ATG2A: variants seen among roughly 807,000 people sequenced by gnomAD.
ATG2A encodes the protein autophagy related 2A.
A neutral mutation model predicts 214.2 loss-of-function variants in ATG2A; 103 were observed. That is an observed-to-expected ratio of 0.48 (90% CI 0.41 to 0.57). ATG2A has a LOEUF of 0.57. Ranked by LOEUF, ATG2A falls within the 20% of genes least tolerant of loss-of-function variation. ATG2A has a pLI of 0.00. For synonymous variants in ATG2A, 1,160 were observed against 1,142.1 expected (o/e 1.02, Z -0.32); for missense variants, 2,312 against 2,613.2 (o/e 0.88, Z 2.51).
chr11:64,903,508 C>CGGG lies in ATG2A; in HGVS notation c.3535+79_3535+81dup, dbSNP rs939565862. 105 of 1,476,622 alleles carry CGGG rather than the reference C, an allele frequency of 7.1e-5. No individual in the cohort carries two copies. Among genetic ancestry groups the CGGG allele is most frequent in the Admixed American group, 1.4e-4 (7 of 48,916 alleles). The allele number at this position is 1,476,622 out of a possible 1,614,324, so 91.5% of individuals were successfully genotyped here. On this transcript the variant is annotated intron_variant, in intron 25 of 40. Coordinates refer to ENST00000377264, the MANE Select transcript of ATG2A (RefSeq NM_015104.3). The surrounding 1 kb of genome is among the most constrained non-coding windows in gnomAD (Gnocchi z 4.2). ...GAGCTAAGGACCCGGCCAGCAGCTG[C>CGGG]GGGGAGACACCTGGCTGCTCTGGGT...
At position 64,907,454 on chromosome 11, in the gene ATG2A, G is replaced by A. The variant is rs781169015; in HGVS notation, c.2648-15C>T. The A allele has an allele frequency of 2.0e-5, 32 of 1,604,876 alleles. No individual in the cohort carries two copies. Among genetic ancestry groups the A allele is most frequent in the East Asian group, 6.7e-5 (3 of 44,664 alleles). On this transcript the variant is annotated splice_polypyrimidine_tract_variant and intron_variant, in intron 18 of 40. Transcript: ENST00000377264. ...AAAGCAGTTGGCTGGGAAGGAGACC[G>A]CGAAGGGCTAGCCTGGCCCTTCCCA...
rs1945023073 is a variant in ATG2A, at chr11:64,917,198, C to A, written c.-63G>T. The A allele has an allele frequency of 6.6e-7, 1 of 1,509,756 alleles. No individual in the cohort carries two copies. Among genetic ancestry groups the A allele is most frequent in the Non-Finnish European group, 8.9e-7 (1 of 1,124,026 alleles). The allele number at this position is 1,509,756 out of a possible 1,614,324, so 93.5% of individuals were successfully genotyped here. ...GCCCGCCGGCGATCCCCGTCCGGCT[C>A]CGCTGTTCACTAGAGCCCCCGGCTC... On this transcript the variant is annotated 5_prime_UTR_variant, in exon 1 of 41. Coordinates refer to ENST00000377264, the MANE Select transcript of ATG2A (RefSeq NM_015104.3).
In ATG2A at chr11:64,909,276, C is replaced by G; in HGVS notation, c.2199G>C (p.Leu733=). The part of the protein sequence containing the change: ...DPKSTGRKYF[L]PQVVVTVNPQ... ...AGTCCAGAGCCCCTACTTACTGGGG[C>G]AGGAAGTACTTGCGCCCAGTGCTCT... The change falls in exon 15 of 41, where the codon CTG becomes CTC. Residue 733 remains leucine (L), a synonymous_variant. Coordinates refer to ENST00000377264, the MANE Select transcript of ATG2A (RefSeq NM_015104.3). 1 of 1,613,646 alleles carries G rather than the reference C, an allele frequency of 6.2e-7. No individual in the cohort carries two copies. The highest frequency in any genetic ancestry group is 8.5e-7 in the Non-Finnish European group (1 of 1,179,962).
chr11:64,909,107 C>G lies in ATG2A; in HGVS notation c.2248G>C (p.Glu750Gln), dbSNP rs778969754. Residue 750 changes from glutamate (E) to glutamine (Q), a missense_variant, in exon 16 of 41, where the codon GAG becomes CAG. Transcript: ENST00000377264. Reference protein sequence around the residue: ...VNPQSSSTQWEVAPEKGEELE... With the variant: ...VNPQSSSTQWQVAPEKGEELE... ...TCCTCTCCCTTCTCCGGGGCCACCT[C>G]CCACTGTGTGCTGCTGGACTGGGGG... The G allele has an allele frequency of 4.3e-6, 7 of 1,612,694 alleles. No homozygotes were observed. Among genetic ancestry groups the G allele is most frequent in the Middle Eastern group, 1.6e-4 (1 of 6,080 alleles).
In ATG2A at chr11:64,897,489, A is replaced by AG; in HGVS notation, c.5072dup (p.Ala1693CysfsTer78). 2 of 1,580,754 alleles carry AG rather than the reference A, an allele frequency of 1.3e-6. No homozygotes were observed. The highest frequency in any genetic ancestry group is 1.7e-6 in the Non-Finnish European group (2 of 1,163,256). On this transcript the variant is annotated frameshift_variant, in exon 37 of 41. Transcript: ENST00000377264. LOFTEE classifies it high-confidence loss of function. Reference sequence around the variant, plus strand: ...CCAGGCCGATGAGGAGGCCAGCAAAAGTGCCCTGGGAGAGGGAGGGGGTCC... The same window carrying AG: ...CCAGGCCGATGAGGAGGCCAGCAAAAGGTGCCCTGGGAGAGGGAGGGGGTCC...
rs765221636 is a variant in ATG2A at position 64,906,483 on chromosome 11, C to T, written c.3034G>A (p.Ala1012Thr). Residue 1012 changes from alanine (A) to threonine (T), a missense_variant, in exon 21 of 41, where the codon GCT (alanine) becomes ACT (threonine). Ala to Thr is a moderately conservative substitution (Grantham distance 58, BLOSUM62 0). Transcript: ENST00000377264. Reference protein sequence around the residue: ...LPSHLDLPSFAPPAQLAPTIY... With the variant: ...LPSHLDLPSFTPPAQLAPTIY... The stretch of plus-strand genomic sequence containing the variant: ...GTTGGGGCCAGCTGAGCCGGGGGAG[C>T]GAAACTGGGAAGGTCCAGGTGACTG... The T allele has an allele frequency of 1.8e-5, 29 of 1,613,260 alleles. No individual in the cohort carries two copies. Among genetic ancestry groups the T allele is most frequent in the African/African-American group, 8.0e-5 (6 of 75,012 alleles).
chr11:64,905,987 CG>C lies in ATG2A; in HGVS notation c.3264+125del, dbSNP rs963580106. 1.6e-5 allele frequency: 22 copies of C among 1,383,066 alleles called. No individual in the cohort carries two copies. In the African/African-American group the frequency reaches 2.3e-4, roughly 14 times the overall value. 85.7% of individuals were successfully genotyped at this position (1,383,066 alleles called of 1,614,324 possible). A position where few individuals can be genotyped will look rare whatever the true frequency, so the allele number is the denominator to read the frequency against. Reference sequence around the variant, plus strand: ...TGCCACACCCCTTGCCCAGGAGCTCCGGACAAGGTCAGCTGTGGCCCAGTCC... The same window carrying C: ...TGCCACACCCCTTGCCCAGGAGCTCCGACAAGGTCAGCTGTGGCCCAGTCC... On this transcript the variant is annotated intron_variant, in intron 22 of 40. Coordinates refer to ENST00000377264, the MANE Select transcript of ATG2A (RefSeq NM_015104.3).
At chr11:64,908,946 G>A (rs954339699) in intron 16 of ATG2A, 45 bp downstream of exon 16, 46 of 1,539,884 alleles carry the variant, frequency 3.0e-5, no homozygotes, top group African/African-American at 1.1e-4. Flanking sequence ...GAACCCGGGC[G>A]GTGGGCGGGA....
rs765511142 is a variant in ATG2A at position 64,897,471 on chromosome 11, G to A, written c.5091C>T (p.Ile1697=). The change falls in exon 37 of 41, where the codon ATC becomes ATT. Residue 1697 remains isoleucine, a synonymous_variant. Transcript: ENST00000377264. Reference sequence around the variant, plus strand: ...CGGAGCAGTTGAGTTGGGCCAGGCCGATGAGGAGGCCAGCAAAAGTGCCCT... The same window carrying A: ...CGGAGCAGTTGAGTTGGGCCAGGCCAATGAGGAGGCCAGCAAAAGTGCCCT... ...DQVGTFAGLL[I]GLAQLNCSEL... The A allele has an allele frequency of 3.0e-5, 47 of 1,578,060 alleles. No individual in the cohort carries two copies. The highest frequency in any genetic ancestry group is 1.7e-4 in the Middle Eastern group (1 of 6,022).
chr11:64,896,678 T>G (rs1412545843), intron 38 of ATG2A, 62 bp from the exon 39 acceptor site: 2 of 1,606,512 alleles, frequency 1.2e-6, no homozygotes, highest in East Asian at 4.5e-5. Flanking sequence ...CTCCTCTTAT[T>G]CCCAATGGCA....
At chr11:64,909,984 C>A in intron 13 of ATG2A, 56 bp downstream of exon 13, 7 of 1,566,468 alleles carry the variant, frequency 4.5e-6, no homozygotes, top group Non-Finnish European at 6.1e-6. Context: ...GACCAAGAGC[C>A]GAAGGACCCA....
intron 6 of ATG2A, 164 bp downstream of exon 6, chr11:64,912,874 T>A (rs1201566809): frequency 1.6e-6 from 1 of 624,338 alleles, no homozygotes; most frequent in Non-Finnish European, 2.7e-6. Context: ...ATTACAGGTG[T>A]GAACCCTGTG....
intron 14 of ATG2A, 142 bp downstream of exon 14, chr11:64,909,539 G>A (rs977844949): frequency 1.4e-6 from 2 of 1,451,002 alleles, no homozygotes; most frequent in African/African-American, 1.4e-5. Flanking sequence ...CCGGGGACAG[G>A]CAGTGCTGGG....
At position 64,909,027 on chromosome 11, in the gene ATG2A, G is replaced by A. The variant is rs1214141821; in HGVS notation, c.2328C>T (p.Pro776=). ...CATACATGGTCCTCTTAGAGGAGAA[G>A]GGCGAGGGCTCAGGTTCCCGCAGCT... ...PCELREPEPS[P]FSSKRTMYET... is the part of the protein sequence containing the mutation. Residue 776 remains proline, a synonymous_variant, in exon 16 of 41, where the codon CCC becomes CCT. Coordinates refer to ENST00000377264, the MANE Select transcript of ATG2A (RefSeq NM_015104.3). The A allele has an allele frequency of 1.9e-6, 3 of 1,608,780 alleles. No homozygotes were observed. The highest frequency in any genetic ancestry group is 4.5e-5 in the East Asian group (2 of 44,742).
At position 64,894,966 on chromosome 11, in the gene ATG2A, C is replaced by T; in HGVS notation, c.*7G>A. On this transcript the variant is annotated 3_prime_UTR_variant, in exon 41 of 41. Transcript: ENST00000377264. ...GCAGCACCCTCTGGGTGCCGGGCAC[C>T]CCAGGCTCAGTCTTGGGCACTGTCC... 6.2e-7 allele frequency: 1 copy of T among 1,611,486 alleles called. No individual in the cohort carries two copies. Among genetic ancestry groups the T allele is most frequent in the Non-Finnish European group, 8.5e-7 (1 of 1,178,720 alleles).
Position 64,903,207 on chromosome 11 carries a change from G to A in ATG2A, c.3612+81C>T, listed in dbSNP as rs1299396137. ...AACTGTGTCCGGAGCCCAGGCACGT[G>A]AGGGAGCAGCAGCCCCTGAAGACTC... On this transcript the variant is annotated intron_variant, in intron 26 of 40. Coordinates refer to ENST00000377264, the MANE Select transcript of ATG2A (RefSeq NM_015104.3). The surrounding 1 kb of genome is among the most constrained non-coding windows in gnomAD (Gnocchi z 4.2). 2 of 1,351,346 alleles carry A rather than the reference G, an allele frequency of 1.5e-6. No homozygotes were observed. Among genetic ancestry groups the A allele is most frequent in the East Asian group, 4.6e-5 (2 of 43,260 alleles). 83.7% of individuals were successfully genotyped at this position (1,351,346 alleles called of 1,614,324 possible).
intron 12 of ATG2A, 92 bp downstream of exon 12, chr11:64,910,524 C>T: frequency 7.2e-7 from 1 of 1,396,348 alleles, no homozygotes; most frequent in Admixed American, 2.0e-5. Flanking sequence ...GGAAGAGGGA[C>T]AGGGCTGGGC....
In ATG2A at chr11:64,903,199, A is replaced by G. The variant is rs112310812; in HGVS notation, c.3612+89T>C. The G allele has an allele frequency of 0.053, 67,628 of 1,264,128 alleles. 3,048 individuals carry two copies. The highest frequency in any genetic ancestry group is 0.21 in the African/African-American group (14,188 of 67,974). 78.3% of individuals were successfully genotyped at this position (1,264,128 alleles called of 1,614,324 possible). Reference sequence around the variant, plus strand: ...CAGGCATGAACTGTGTCCGGAGCCCAGGCACGTGAGGGAGCAGCAGCCCCT... The same window carrying G: ...CAGGCATGAACTGTGTCCGGAGCCCGGGCACGTGAGGGAGCAGCAGCCCCT... On this transcript the variant is annotated intron_variant, in intron 26 of 40. Transcript: ENST00000377264. The surrounding 1 kb of genome is among the most constrained non-coding windows in gnomAD (Gnocchi z 4.2).
In ATG2A at chr11:64,901,957, C is replaced by T. The variant is rs1326744278; in HGVS notation, c.4119+5G>A. On this transcript the variant is annotated splice_donor_5th_base_variant and intron_variant, in intron 29 of 40. Transcript: ENST00000377264. ...GCAAACTGGTCCATCCCTCCCACCA[C>T]GCACCGGGATGCCCAGGCCGGGAGC... is the stretch of plus-strand genomic sequence containing the variant. The T allele has an allele frequency of 3.7e-6, 6 of 1,611,970 alleles. No individual in the cohort carries two copies. The highest frequency in any genetic ancestry group is 1.7e-5 in the Admixed American group (1 of 60,026).
Sources: allele counts gnomAD v4.1 joint callset, GRCh38; gene constraint gnomAD v4.1.1; non-coding constraint Gnocchi (gnomAD v3.1); transcripts MANE v1.5; gene names NCBI Gene and HGNC (gene_info 2026-07-23, HGNC 2026-07-21).